CCNA2: variants seen among roughly 807,000 people sequenced by gnomAD.
CCNA2 encodes cyclin A2.
A neutral mutation model predicts 49.4 loss-of-function variants in CCNA2; 3 were observed. That is an observed-to-expected ratio of 0.06 (90% confidence interval 0.03 to 0.16). The LOEUF is 0.16. CCNA2 is among the 10% of genes least tolerant of loss of function. CCNA2 has a pLI of 1.00. For synonymous variants in CCNA2, 206 were observed against 197.2 expected (o/e 1.04, Z -0.37); for missense variants, 372 against 519.7 (o/e 0.72, Z 2.76).
chr4:121,816,546 CAA>C lies in CCNA2; in HGVS notation c.*1090_*1091del, dbSNP rs568877013. ...TCTCATCTTGCCACATGACTATAAA[CAA>C]AAAGACATCCCTTTTTCATTAGAGA... On this transcript the variant is annotated 3_prime_UTR_variant, in exon 8 of 8. Coordinates refer to ENST00000274026, the MANE Select transcript of CCNA2 (RefSeq NM_001237.5). 1,834 of 872,422 alleles carry C rather than the reference CAA, an allele frequency of 2.1e-3. 57 individuals are homozygous for C. In the East Asian group the frequency reaches 0.044, roughly 21 times the overall value. The allele number at this position is 872,422 out of a possible 1,614,324, so 54.0% of individuals were successfully genotyped here.
Position 121,816,481 on chromosome 4 carries a change from A to G in CCNA2, c.*1157T>C, listed in dbSNP as rs1050085231. On this transcript the variant is annotated 3_prime_UTR_variant, in exon 8 of 8. Transcript: ENST00000274026. ...TTTCTGGTTTATTTCAAATGTATAC[A>G]TATACTCAACACTTATAGAGGTTTG... is the stretch of plus-strand genomic sequence containing the variant. The G allele has an allele frequency of 3.0e-6, 4 of 1,328,206 alleles. No homozygotes were observed. The highest frequency in any genetic ancestry group is 1.5e-5 in the African/African-American group (1 of 67,224). The allele number at this position is 1,328,206 out of a possible 1,614,324, so 82.3% of individuals were successfully genotyped here.
intron 4 of CCNA2, among the ~76,000 whole-genome samples, chr4:121,819,783 T>G (rs1274647696): frequency 6.6e-6 from 1 of 152,174 alleles, no homozygotes; most frequent in African/African-American, 2.4e-5. Flanking sequence ...ACTTTTGAGA[T>G]ATTTTCCCCA....
intron 6 of CCNA2, 132 bp downstream of exon 6, chr4:121,818,668 T>A (rs1724613891): frequency 3.2e-6 from 2 of 631,084 alleles, no homozygotes; most frequent in Non-Finnish European, 5.7e-6. Flanking sequence ...TTTTCAAAGG[T>A]CAACTATATA....
chr4:121,819,005 A>G (rs1724621726), intron 5 of CCNA2, 92 bp from the exon 6 acceptor site: 1 of 771,382 alleles, frequency 1.3e-6, no homozygotes, highest in Admixed American at 2.1e-5. Context: ...TGCCTTTGAT[A>G]ACGGCTCTGT....
In CCNA2 at chr4:121,823,624, A is replaced by G; in HGVS notation, c.5T>C (p.Leu2Ser). 6.3e-7 allele frequency: 1 copy of G among 1,587,906 alleles called. No homozygotes were observed. Among genetic ancestry groups the G allele is most frequent in the Non-Finnish European group, 8.5e-7 (1 of 1,171,662 alleles). Residue 2 changes from leucine to serine, a missense_variant, in exon 1 of 8, where the codon TTG becomes TCG. Coordinates refer to ENST00000274026, the MANE Select transcript of CCNA2 (RefSeq NM_001237.5). ...CGCAGGCCCCGGCGCAGAGTTGCCC[A>G]ACATCACTGCTCCCGGGAGTGGACG... is the stretch of plus-strand genomic sequence containing the variant. M[L>S]GNSAPGPATR...
chr4:121,817,587 C>T lies in CCNA2; in HGVS notation c.*51G>A. On this transcript the variant is annotated 3_prime_UTR_variant, in exon 8 of 8. Coordinates refer to ENST00000274026, the MANE Select transcript of CCNA2 (RefSeq NM_001237.5). The stretch of plus-strand genomic sequence containing the variant: ...AAAACCTAAGTTAAAAACTGTACAC[C>T]ATATACTTTGAGTGATTTACATCTT... The T allele has an allele frequency of 6.2e-7, 1 of 1,609,208 alleles. No individual in the cohort carries two copies. Among genetic ancestry groups the T allele is most frequent in the African/African-American group, 1.3e-5 (1 of 74,886 alleles).
intron 1 of CCNA2, 78 bp downstream of exon 1, chr4:121,823,338 G>T: frequency 2.0e-6 from 3 of 1,469,114 alleles, no homozygotes; most frequent in Admixed American, 2.2e-5. Flanking sequence ...ATGCCTTCTC[G>T]CCACTCTTCT....
Position 121,820,667 on chromosome 4 carries a change from T to C in CCNA2, c.669A>G (p.Glu223=). 1 of 1,613,894 alleles carries C rather than the reference T, an allele frequency of 6.2e-7. No individual in the cohort carries two copies. Among genetic ancestry groups the C allele is most frequent in the Non-Finnish European group, 8.5e-7 (1 of 1,179,730 alleles). ...GGGTCTCATTCTGTAGTTTATATTC[T>C]TCTCCTACTTCAACTAACCAGTCCA... ...ILVDWLVEVG[E]EYKLQNETLH... is the part of the protein sequence containing the mutation. The change falls in exon 4 of 8, where the codon GAA becomes GAG. Residue 223 remains glutamate, a synonymous_variant. Transcript: ENST00000274026. The surrounding 1 kb of genome is among the most constrained non-coding windows in gnomAD (Gnocchi z 4.1).
chr4:121,816,772 AAC>A lies in CCNA2; in HGVS notation c.*864_*865del, dbSNP rs1724531226. ...AATTCTTACTTTGCTTTATTCACAG[AAC>A]ACAGACCACCAGTGCAAAACAAGAA... On this transcript the variant is annotated 3_prime_UTR_variant, in exon 8 of 8. Transcript: ENST00000274026. 3 of 1,587,596 alleles carry A rather than the reference AAC, an allele frequency of 1.9e-6. No individual in the cohort carries two copies. The highest frequency in any genetic ancestry group is 1.9e-5 in the Admixed American group (1 of 53,986).
chr4:121,818,524 C>T (rs3217769), intron 6 of CCNA2, among the ~76,000 whole-genome samples: 14 of 152,092 alleles, frequency 9.2e-5, no homozygotes, highest in Non-Finnish European at 1.6e-4. Flanking sequence ...ATACCCAAAT[C>T]TGTACATATT....
Position 121,816,900 on chromosome 4 carries a change from A to G in CCNA2, c.*738T>C, listed in dbSNP as rs1467300501. 3 of 1,450,200 alleles carry G rather than the reference A, an allele frequency of 2.1e-6. No homozygotes were observed. The highest frequency in any genetic ancestry group is 1.5e-5 in the African/African-American group (1 of 68,662). The allele number at this position is 1,450,200 out of a possible 1,614,324, so 89.8% of individuals were successfully genotyped here. A position where few individuals can be genotyped will look rare whatever the true frequency, so the allele number is the denominator to read the frequency against. On this transcript the variant is annotated 3_prime_UTR_variant, in exon 8 of 8. Transcript: ENST00000274026. ...TGTATATATAACTATTAAAAGGGAT[A>G]TTTATTCCATTCTGAGAACCCTGGG...
rs1724677461 is a variant in CCNA2 at position 121,820,944 on chromosome 4, A to G, written c.570+35T>C. 2 of 1,544,280 alleles carry G rather than the reference A, an allele frequency of 1.3e-6. No individual in the cohort carries two copies. Among genetic ancestry groups the G allele is most frequent in the Non-Finnish European group, 1.8e-6 (2 of 1,124,762 alleles). ...AATTTCATTTAGCCACATTTAACAA[A>G]TACATTATACAAACTGGATTCAGAG... is the stretch of plus-strand genomic sequence containing the variant. On this transcript the variant is annotated intron_variant, in intron 3 of 7. Transcript: ENST00000274026. This position sits in a 1 kb window ranked among gnomAD's most constrained non-coding sequence, Gnocchi z 4.1.
At position 121,820,935 on chromosome 4, in the gene CCNA2, AT is replaced by A. The variant is rs1379663888; in HGVS notation, c.570+43del. 6.6e-7 allele frequency: 1 copy of A among 1,516,986 alleles called. No homozygotes were observed. The highest frequency in any genetic ancestry group is 9.1e-7 in the Non-Finnish European group (1 of 1,100,874). The allele number at this position is 1,516,986 out of a possible 1,614,324, so 94.0% of individuals were successfully genotyped here. A position where few individuals can be genotyped will look rare whatever the true frequency, so the allele number is the denominator to read the frequency against. ...TATCCTCTCAATTTCATTTAGCCAC[AT>A]TTAACAAATACATTATACAAACTGG... is the stretch of plus-strand genomic sequence containing the variant. On this transcript the variant is annotated intron_variant, in intron 3 of 7. Transcript: ENST00000274026. The surrounding 1 kb of genome is among the most constrained non-coding windows in gnomAD (Gnocchi z 4.1).
Position 121,816,565 on chromosome 4 carries a change from C to A in CCNA2, c.*1073G>T. On this transcript the variant is annotated 3_prime_UTR_variant, in exon 8 of 8. Transcript: ENST00000274026. ...TATAAACAAAAAGACATCCCTTTTT[C>A]ATTAGAGATCCATCTGTTCTGTGAT... 1.2e-6 allele frequency: 1 copy of A among 807,796 alleles called. No individual in the cohort carries two copies. The highest frequency in any genetic ancestry group is 1.9e-6 in the Non-Finnish European group (1 of 523,618). 50.0% of individuals were successfully genotyped at this position (807,796 alleles called of 1,614,324 possible).
chr4:121,816,765 T>G lies in CCNA2; in HGVS notation c.*873A>C. ...CTTAGTAAATTCTTACTTTGCTTTA[T>G]TCACAGAACACAGACCACCAGTGCA... On this transcript the variant is annotated 3_prime_UTR_variant, in exon 8 of 8. Transcript: ENST00000274026. 1.3e-6 allele frequency: 2 copies of G among 1,574,818 alleles called. No individual in the cohort carries two copies. Among genetic ancestry groups the G allele is most frequent in the Non-Finnish European group, 1.7e-6 (2 of 1,166,152 alleles).
At chr4:121,822,680 C>T (rs761539659) in intron 1 of CCNA2, 34 bp from the exon 2 acceptor site, 3 of 1,601,568 alleles carry the variant, frequency 1.9e-6, no homozygotes, top group Admixed American at 1.7e-5. Context: ...TTTGAGCCTA[C>T]TAGTCTTGCA....
Position 121,816,589 on chromosome 4 carries a change from A to AT in CCNA2, c.*1048dup, listed in dbSNP as rs537870734. The AT allele has an allele frequency of 3.1e-4, 255 of 821,216 alleles. 2 individuals are homozygous for AT. In the Middle Eastern group the frequency reaches 4.0e-3, roughly 13 times the overall value. 50.9% of individuals were successfully genotyped at this position (821,216 alleles called of 1,614,324 possible). Reference sequence around the variant, plus strand: ...TCATTAGAGATCCATCTGTTCTGTGATTTTTTTACCTTGTGATTTATAAAA... The same window carrying AT: ...TCATTAGAGATCCATCTGTTCTGTGATTTTTTTTACCTTGTGATTTATAAAA... On this transcript the variant is annotated 3_prime_UTR_variant, in exon 8 of 8. Transcript: ENST00000274026.
rs201638431 is a variant in CCNA2 at position 121,822,506 on chromosome 4, T to C, written c.354A>G (p.Gln118=). 122 of 1,614,102 alleles carry C rather than the reference T, an allele frequency of 7.6e-5. No homozygotes were observed. The highest frequency in any genetic ancestry group is 1.0e-4 in the Non-Finnish European group (122 of 1,180,056). The change falls in exon 2 of 8, where the codon CAA becomes CAG. Residue 118 remains glutamine (Q), a synonymous_variant. Coordinates refer to ENST00000274026, the MANE Select transcript of CCNA2 (RefSeq NM_001237.5). ...CCAGGGCATCTTCACGCTCTATTTT[T>C]TGAGATTCAGCTGGCTTCTTCTGAG... ...KEAQKKPAES[Q]KIEREDALAF... is the part of the protein sequence containing the mutation.
At chr4:121,821,206 T>G in intron 2 of CCNA2, 115 bp from the exon 3 acceptor site, 2 of 1,253,040 alleles carry the variant, frequency 1.6e-6, no homozygotes, top group African/African-American at 3.0e-5. Context: ...TTCTTCAAAC[T>G]AAAAAGAGCT....
Sources: allele counts gnomAD v4.1 joint callset (sites outside exome capture counted in the v4.1 genomes callset), GRCh38; gene constraint gnomAD v4.1.1; non-coding constraint Gnocchi (gnomAD v3.1); transcripts MANE v1.5; gene names NCBI Gene and HGNC (gene_info 2026-07-23, HGNC 2026-07-21).